Variants in LRRC4C observed in about 807,000 individuals in gnomAD.
LRRC4C encodes leucine-rich repeat-containing protein 4C.
LRRC4C carries 5 observed loss-of-function variants against 33.6 expected under a neutral mutation model. The observed-to-expected ratio is 0.15, with a 90% CI of 0.08 to 0.31. The LOEUF (loss-of-function observed/expected upper bound fraction) is 0.31, where lower values mean the gene tolerates loss of function less well. Ranked by LOEUF, LRRC4C falls within the 10% of genes least tolerant of loss-of-function variation. LRRC4C has a pLI of 1.00. For synonymous variants in LRRC4C, 329 were observed against 302.0 expected, an observed-to-expected ratio of 1.09 and a Z score of -0.93; for missense variants, 560 against 796.7, an observed-to-expected ratio of 0.70 and a Z score of 3.58.
chr11:40,522,636 A>T (rs1275706835), intron 3 of LRRC4C, among the ~76,000 whole-genome samples: 1 of 152,200 alleles, frequency 6.6e-6, no homozygotes, highest in Non-Finnish European at 1.5e-5. Flanking sequence ...ATTTAATTTC[A>T]ACTGAATTAC....
chr11:40,980,506 G>T (rs754524843), intron 1 of LRRC4C, among the ~76,000 whole-genome samples: 19 of 152,030 alleles, frequency 1.2e-4, no homozygotes, highest in Admixed American at 1.3e-4. Flanking sequence ...TACACCGTCC[G>T]TCCATTTCTG....
chr11:41,355,190 G>A (rs1202652968), intron 1 of LRRC4C, among the ~76,000 whole-genome samples: 1 of 151,874 alleles, frequency 6.6e-6, no homozygotes, highest in African/African-American at 2.4e-5. Flanking sequence ...TCAAAAGAAG[G>A]CATACAAGTG....
chr11:41,374,409 T>A (rs1281045384), intron 1 of LRRC4C, among the ~76,000 whole-genome samples: 1 of 152,110 alleles, frequency 6.6e-6, no homozygotes, highest in East Asian at 1.9e-4. Context: ...TTAAATTGAA[T>A]TTACTCAGAC....
intron 1 of LRRC4C, among the ~76,000 whole-genome samples, chr11:41,018,586 C>T (rs765944486): frequency 6.6e-6 from 1 of 152,166 alleles, no homozygotes; most frequent in Non-Finnish European, 1.5e-5. Flanking sequence ...CTTGAGAAAT[C>T]TGTGCAATTC....
intron 1 of LRRC4C, among the ~76,000 whole-genome samples, chr11:41,187,060 T>C (rs1945724533): frequency 6.6e-6 from 1 of 152,214 alleles, no homozygotes; most frequent in Admixed American, 6.5e-5. Context: ...TCCCTGATTA[T>C]ATACATTTTC....
At chr11:40,901,722 G>C (rs1487782757) in intron 2 of LRRC4C, among the ~76,000 whole-genome samples, 1 of 151,900 alleles carries the variant, frequency 6.6e-6, no homozygotes, top group African/African-American at 2.4e-5. Flanking sequence ...ACTTCCCAAA[G>C]GTATTTGTAG....
At position 41,442,458 on chromosome 11, in the gene LRRC4C, C is replaced by CTT. The variant is rs775679545; in HGVS notation, c.-496+16971_-496+16972dup. Among the ~76,000 whole-genome samples the CTT allele has an allele frequency of 1.2e-3, 103 of 84,074 alleles. 10 individuals are homozygous for CTT. The highest frequency in any genetic ancestry group is 2.6e-3 in the South Asian group (6 of 2,346). The allele number at this position is 84,074 out of a possible 152,430, so 55.2% of individuals were successfully genotyped here. ...AGTTCTCTCTCTTTGTTGCTTTTTT[C>CTT]TTTTTTTTTTTTTTTTTTTTTTTTT... On this transcript the variant is annotated intron_variant, in intron 1 of 6. Transcript: ENST00000528697.
intron 1 of LRRC4C, among the ~76,000 whole-genome samples, chr11:41,054,763 T>C (rs1858494054): frequency 6.6e-6 from 1 of 152,172 alleles, no homozygotes; most frequent in African/African-American, 2.4e-5. Context: ...AAGATAAGTG[T>C]GGTTCTTGTC....
At chr11:41,285,595 G>T (rs1949800658) in intron 1 of LRRC4C, among the ~76,000 whole-genome samples, 1 of 152,092 alleles carries the variant, frequency 6.6e-6, no homozygotes, top group South Asian at 2.1e-4. Flanking sequence ...AATGATGTGG[G>T]GAGGAAGCCA....
chr11:40,201,969 T>G (rs567809243), intron 5 of LRRC4C, among the ~76,000 whole-genome samples: 1 of 152,234 alleles, frequency 6.6e-6, no homozygotes, highest in South Asian at 2.1e-4. Context: ...CAAATTAACA[T>G]ATAATTTTGG....
At chr11:40,776,440 CT>C (rs1202622983) in intron 2 of LRRC4C, among the ~76,000 whole-genome samples, 5 of 151,916 alleles carry the variant, frequency 3.3e-5, no homozygotes, top group Non-Finnish European at 7.4e-5. Flanking sequence ...GTTTCAATTT[CT>C]TCCTGATTTA....
At chr11:41,120,578 C>G (rs1942372558) in intron 1 of LRRC4C, among the ~76,000 whole-genome samples, 1 of 152,126 alleles carries the variant, frequency 6.6e-6, no homozygotes, top group Non-Finnish European at 1.5e-5. Flanking sequence ...TTGACAGTGG[C>G]TATATTACTT....
At chr11:41,203,705 T>C (rs769049050) in intron 1 of LRRC4C, among the ~76,000 whole-genome samples, 3 of 152,196 alleles carry the variant, frequency 2.0e-5, no homozygotes, top group Admixed American at 6.5e-5. Context: ...AGTTTTGTTT[T>C]GTTTTGTATC....
intron 1 of LRRC4C, among the ~76,000 whole-genome samples, chr11:41,122,356 C>T (rs771037915): frequency 6.6e-6 from 1 of 152,116 alleles, no homozygotes; most frequent in Non-Finnish European, 1.5e-5. Flanking sequence ...TGGAATGATG[C>T]TGGAAGGCTT....
chr11:40,927,835 C>T (rs1420946592), intron 2 of LRRC4C, among the ~76,000 whole-genome samples: 1 of 152,160 alleles, frequency 6.6e-6, no homozygotes, highest in Non-Finnish European at 1.5e-5. Context: ...AGGTGTTTCA[C>T]ACAGAGCCTA....
chr11:41,393,936 C>G (rs956618258), intron 1 of LRRC4C, among the ~76,000 whole-genome samples: 1 of 151,906 alleles, frequency 6.6e-6, no homozygotes, highest in Non-Finnish European at 1.5e-5. Flanking sequence ...ATTAGGCTAC[C>G]TTTAGCCCAG....
At chr11:40,386,137 TA>T (rs1391643073) in intron 3 of LRRC4C, among the ~76,000 whole-genome samples, 1 of 151,946 alleles carries the variant, frequency 6.6e-6, no homozygotes, top group African/African-American at 2.4e-5. Flanking sequence ...AAGCCTCACA[TA>T]CCACAGAATA....
chr11:41,023,238 A>G (rs747946941), intron 1 of LRRC4C, among the ~76,000 whole-genome samples: 4 of 151,866 alleles, frequency 2.6e-5, no homozygotes, highest in Non-Finnish European at 5.9e-5. Flanking sequence ...ACAAATTTAA[A>G]TAGAGAAACA....
At position 41,092,516 on chromosome 11, in the gene LRRC4C, T is replaced by C. The variant is rs570548707; in HGVS notation, c.-495-158793A>G. ...CTAATTGCATCAAAAGGCTATAATA[T>C]GGCATTTCTTAGTCCAGGCAGAATA... On this transcript the variant is annotated intron_variant, in intron 1 of 6. Transcript: ENST00000528697. Among the ~76,000 whole-genome samples the C allele has an allele frequency of 5.9e-5, 9 of 152,320 alleles. No homozygotes were observed. In the East Asian group the frequency reaches 1.4e-3, roughly 23 times the overall value.
Sources: allele counts gnomAD v4.1 joint callset (sites outside exome capture counted in the v4.1 genomes callset), GRCh38; gene constraint gnomAD v4.1.1; transcripts MANE v1.5; gene names NCBI Gene and HGNC (gene_info 2026-07-23, HGNC 2026-07-21).